TUBGCP3: variants seen among roughly 807,000 people sequenced by gnomAD.
TUBGCP3 encodes the protein gamma-tubulin complex component 3.
TUBGCP3 carries 50 observed loss-of-function variants against 123.1 expected under a neutral mutation model. The observed-to-expected ratio is 0.41, with a 90% CI of 0.32 to 0.51. The LOEUF (loss-of-function observed/expected upper bound fraction) is 0.51, where lower values mean the gene tolerates loss of function less well. TUBGCP3 is among the 20% of genes least tolerant of loss of function. The probability of loss-of-function intolerance (pLI) is 0.36; values close to 1 mark genes in which losing one functional copy is unlikely to be tolerated. For missense variants in TUBGCP3, 882 were observed against 1,127.0 expected, an observed-to-expected ratio of 0.78 and a Z score of 3.11; for synonymous variants, 405 against 413.9, an observed-to-expected ratio of 0.98 and a Z score of 0.26.
At chr13:112,510,602 G>A (rs1224974807) in intron 17 of TUBGCP3, among the ~76,000 whole-genome samples, 2 of 152,100 alleles carry the variant, frequency 1.3e-5, no homozygotes, top group African/African-American at 2.4e-5. Flanking sequence ...AGTGAACTTG[G>A]GGGCACTCAC....
chr13:112,533,939 T>C (rs1435877558), intron 11 of TUBGCP3, among the ~76,000 whole-genome samples: 2 of 151,900 alleles, frequency 1.3e-5, no homozygotes, highest in African/African-American at 4.8e-5. Flanking sequence ...TGCACCCAAT[T>C]TGTAGTCTTT....
chr13:112,524,988 C>T lies in TUBGCP3; in HGVS notation c.1555+1954G>A, dbSNP rs1876931628. 1.3e-5 allele frequency among the ~76,000 whole-genome samples: 2 copies of T among 152,124 alleles called. No homozygotes were observed. On this transcript the variant is annotated intron_variant, in intron 13 of 21. Transcript: ENST00000261965. The surrounding 1 kb of genome is among the most constrained non-coding windows in gnomAD (Gnocchi z 4.4). ...GCCTCACGAGCTCAGAGTTCTAGTG[C>T]CATCACTGACTCTTCCTGATCCCCA...
At chr13:112,556,298 C>A (rs1880037360) in intron 5 of TUBGCP3, 74 bp from the exon 6 acceptor site, 1 of 1,414,036 alleles carries the variant, frequency 7.1e-7, no homozygotes, top group South Asian at 1.3e-5. Flanking sequence ...AGAAATTTCT[C>A]TTGTATTACT....
At chr13:112,494,213 G>A (rs1466119790) in intron 20 of TUBGCP3, among the ~76,000 whole-genome samples, 1 of 152,208 alleles carries the variant, frequency 6.6e-6, no homozygotes, top group Non-Finnish European at 1.5e-5. Flanking sequence ...TGGTGTGCCT[G>A]AGACACACTT....
At chr13:112,587,579 C>G (rs1390832269) in intron 1 of TUBGCP3, among the ~76,000 whole-genome samples, 2 of 152,358 alleles carry the variant, frequency 1.3e-5, no homozygotes, top group Non-Finnish European at 1.5e-5. Context: ...GACGGACCCG[C>G]GAGCGGAGTG....
chr13:112,547,824 A>T, intron 9 of TUBGCP3, 72 bp from the exon 10 acceptor site: 1 of 1,352,366 alleles, frequency 7.4e-7, no homozygotes, highest in African/African-American at 1.5e-5. Flanking sequence ...ATCTATATCA[A>T]GTGAACATAA....
At chr13:112,503,957 C>A in intron 19 of TUBGCP3, 75 bp downstream of exon 19, 1 of 1,511,248 alleles carries the variant, frequency 6.6e-7, no homozygotes, top group Non-Finnish European at 8.9e-7. Context: ...TTCTAAGATT[C>A]CCCCATTTGA....
intron 8 of TUBGCP3, among the ~76,000 whole-genome samples, chr13:112,549,381 G>A (rs912247732): frequency 6.6e-6 from 1 of 152,040 alleles, no homozygotes; most frequent in Non-Finnish European, 1.5e-5. Context: ...TTTACCTAAT[G>A]TAAATGACAA....
At position 112,558,197 on chromosome 13, in the gene TUBGCP3, C is replaced by A; in HGVS notation, c.547G>T (p.Gly183Ter). ...CTATACACGTCAGTGTGGCCTTACC[C>A]TGGGAGGAGAGATTGTGGCGCAGGC... is the stretch of plus-strand genomic sequence containing the variant. ...PAPAPQSLLPGQSNQAPGVGD... is the reference protein window; with the variant it reads ...PAPAPQSLLP The change falls in exon 5 of 22, where the codon GGA becomes TGA. Residue 183 changes from glycine (G) to a stop codon, truncating the protein, a stop_gained and splice_region_variant. Coordinates refer to ENST00000261965, the MANE Select transcript of TUBGCP3 (RefSeq NM_006322.6). LOFTEE classifies it high-confidence loss of function. 6.2e-7 allele frequency: 1 copy of A among 1,609,566 alleles called. No individual in the cohort carries two copies. The highest frequency in any genetic ancestry group is 1.1e-5 in the South Asian group (1 of 90,720).
At chr13:112,549,139 G>A (rs1277217005) in intron 8 of TUBGCP3, among the ~76,000 whole-genome samples, 2 of 152,148 alleles carry the variant, frequency 1.3e-5, no homozygotes, top group Non-Finnish European at 2.9e-5. Flanking sequence ...TATACACCAT[G>A]GAATACTATG....
intron 11 of TUBGCP3, among the ~76,000 whole-genome samples, chr13:112,537,148 TAA>T (rs1555340955): frequency 3.2e-4 from 35 of 109,064 alleles, no homozygotes; most frequent in Non-Finnish European, 1.4e-4. Flanking sequence ...TTTTTTTTTT[TAA>T]AAAAAAAAAA....
At chr13:112,586,453 C>T (rs925154792) in intron 1 of TUBGCP3, among the ~76,000 whole-genome samples, 1 of 152,122 alleles carries the variant, frequency 6.6e-6, no homozygotes, top group Non-Finnish European at 1.5e-5. Context: ...TGACGAGGAA[C>T]ATGAAACATG....
intron 11 of TUBGCP3, among the ~76,000 whole-genome samples, chr13:112,541,936 T>C (rs1194812378): frequency 6.6e-6 from 1 of 152,208 alleles, no homozygotes; most frequent in Non-Finnish European, 1.5e-5. Context: ...TTTCTCCTTT[T>C]TATAATCCTA....
intron 10 of TUBGCP3, chr13:112,547,075 A>T (rs1387789699): frequency 1.0e-5 from 2 of 194,796 alleles, no homozygotes; most frequent in Non-Finnish European, 2.1e-5. Flanking sequence ...AATGTCAGAA[A>T]GCAACTAGCA....
At chr13:112,529,574 G>C (rs1041316217) in intron 11 of TUBGCP3, among the ~76,000 whole-genome samples, 1 of 152,170 alleles carries the variant, frequency 6.6e-6, no homozygotes, top group Non-Finnish European at 1.5e-5. Context: ...AGCCGCTCCT[G>C]CGTCCTTCAC....
At chr13:112,500,841 C>T (rs1307535526) in intron 19 of TUBGCP3, among the ~76,000 whole-genome samples, 2 of 152,208 alleles carry the variant, frequency 1.3e-5, no homozygotes, top group Non-Finnish European at 2.9e-5. Context: ...AAATATTTTC[C>T]GTTATGAAAG....
chr13:112,549,772 G>A (rs1449344419), intron 8 of TUBGCP3, among the ~76,000 whole-genome samples: 1 of 151,826 alleles, frequency 6.6e-6, no homozygotes, highest in Non-Finnish European at 1.5e-5. Context: ...GGCGGATCAC[G>A]AGGCCAGGAG....
At chr13:112,516,910 A>T (rs1362506183) in intron 16 of TUBGCP3, among the ~76,000 whole-genome samples, 1 of 152,222 alleles carries the variant, frequency 6.6e-6, no homozygotes, top group Non-Finnish European at 1.5e-5. Flanking sequence ...CTGTAACAGT[A>T]GCTCCTAAGG....
At chr13:112,576,011 T>C (rs761826432) in intron 1 of TUBGCP3, among the ~76,000 whole-genome samples, 1 of 152,268 alleles carries the variant, frequency 6.6e-6, no homozygotes, top group Admixed American at 6.5e-5. Flanking sequence ...AACTAATTTG[T>C]AATAATTTGT....
Sources: gnomAD v4.1 joint callset for allele counts (sites outside exome capture counted in the v4.1 genomes callset) on GRCh38, gnomAD v4.1.1 for gene constraint, Gnocchi (gnomAD v3.1) non-coding constraint, MANE v1.5 for transcripts, NCBI Gene and HGNC (gene_info 2026-07-23, HGNC 2026-07-21) for gene names.